Variants in CA10 observed in about 807,000 individuals in gnomAD.
The protein encoded by CA10 is carbonic anhydrase 10 (inactive).
In CA10, 14 loss-of-function variants were observed where a neutral mutation model predicts 44.2. That is an observed-to-expected ratio of 0.32 (90% CI 0.21 to 0.50). The LOEUF is 0.50. Among genes scored for constraint, CA10 ranks in the 20% least tolerant of loss-of-function variants. The pLI is 0.99. For missense variants in CA10, 350 were observed against 409.7 expected (o/e 0.85, Z 1.26); for synonymous variants, 159 against 141.6 (o/e 1.12, Z -0.87).
At chr17:51,734,178 T>TG (rs11302511) in intron 4 of CA10, among the ~76,000 whole-genome samples, 4,723 of 130,040 alleles carry the variant, frequency 0.036, 121 homozygotes, top group Non-Finnish European at 0.052. Flanking sequence ...AATCTTTGGT[T>TG]GGGGGGGGGG....
intron 3 of CA10, among the ~76,000 whole-genome samples, chr17:51,854,868 C>A (rs144759480): frequency 6.6e-6 from 1 of 152,260 alleles, no homozygotes; most frequent in Non-Finnish European, 1.5e-5. Context: ...AGTGCTTTAT[C>A]CAGCTCAGCT....
chr17:51,707,656 G>T (rs1056361288), intron 4 of CA10, among the ~76,000 whole-genome samples: 1 of 91,920 alleles, frequency 1.1e-5, no homozygotes, highest in South Asian at 4.6e-4. Flanking sequence ...GTGCAGGGAA[G>T]GAAAGTGGAT....
chr17:51,980,970 AATTG>A (rs777294870), intron 2 of CA10, among the ~76,000 whole-genome samples: 1 of 152,130 alleles, frequency 6.6e-6, no homozygotes, highest in Non-Finnish European at 1.5e-5. Flanking sequence ...TTAAAAACAC[AATTG>A]ATTATCACTA....
intron 3 of CA10, among the ~76,000 whole-genome samples, chr17:51,770,409 G>A (rs373253526): frequency 2.0e-5 from 3 of 151,662 alleles, no homozygotes; most frequent in East Asian, 3.9e-4. Flanking sequence ...ACCCTCCCCC[G>A]AGACCCTAGG....
chr17:51,656,807 C>A (rs1188267259), intron 4 of CA10, among the ~76,000 whole-genome samples: 1 of 152,154 alleles, frequency 6.6e-6, no homozygotes, highest in East Asian at 1.9e-4. Flanking sequence ...GCTAAAGTTT[C>A]AGAAGTGCTG....
chr17:51,639,775 C>T (rs916275647), intron 6 of CA10, among the ~76,000 whole-genome samples: 2 of 152,190 alleles, frequency 1.3e-5, no homozygotes, highest in Non-Finnish European at 2.9e-5. Flanking sequence ...AGACTCACAT[C>T]GCAGTTGGAG....
At chr17:51,719,423 A>C (rs1916280785) in intron 4 of CA10, among the ~76,000 whole-genome samples, 1 of 152,172 alleles carries the variant, frequency 6.6e-6, no homozygotes, top group Admixed American at 6.5e-5. Context: ...TCCATGGTGT[A>C]TTTCCCCCGT....
At chr17:51,681,498 G>C (rs1032352792) in intron 4 of CA10, among the ~76,000 whole-genome samples, 1 of 152,086 alleles carries the variant, frequency 6.6e-6, no homozygotes, top group African/African-American at 2.4e-5. Context: ...TGTTGTGGGG[G>C]CTACCTTGTA....
At chr17:51,967,081 A>G (rs1306147217) in intron 2 of CA10, among the ~76,000 whole-genome samples, 1 of 151,466 alleles carries the variant, frequency 6.6e-6, no homozygotes, top group South Asian at 2.1e-4. Context: ...GACAACAAAC[A>G]TATGAAAAAA....
intron 2 of CA10, among the ~76,000 whole-genome samples, chr17:51,979,099 T>C (rs937431261): frequency 6.6e-6 from 1 of 152,114 alleles, no homozygotes; most frequent in South Asian, 2.1e-4. Context: ...CTAGGACCTA[T>C]GAGTATAATA....
chr17:51,875,859 T>C (rs1184520900), intron 3 of CA10, among the ~76,000 whole-genome samples: 1 of 152,218 alleles, frequency 6.6e-6, no homozygotes, highest in African/African-American at 2.4e-5. Flanking sequence ...AGACCGCTGA[T>C]TGTTATCTAT....
intron 3 of CA10, among the ~76,000 whole-genome samples, chr17:51,916,912 A>T (rs1215476720): frequency 1.3e-5 from 2 of 152,120 alleles, no homozygotes; most frequent in Non-Finnish European, 2.9e-5. Context: ...GTCCTTTCCG[A>T]TATGAATATT....
intron 3 of CA10, among the ~76,000 whole-genome samples, chr17:51,836,737 C>T (rs1011094352): frequency 7.9e-5 from 12 of 152,206 alleles, no homozygotes; most frequent in African/African-American, 2.2e-4. Flanking sequence ...AAAAAATAAC[C>T]GCATATAACA....
intron 2 of CA10, among the ~76,000 whole-genome samples, chr17:52,041,944 A>G (rs1367798882): frequency 2.0e-5 from 3 of 152,042 alleles, no homozygotes; most frequent in Non-Finnish European, 4.4e-5. Flanking sequence ...ACTAAATAAT[A>G]TTCCTCTGTG....
intron 2 of CA10, among the ~76,000 whole-genome samples, chr17:52,039,647 A>C (rs1418900309): frequency 1.3e-5 from 2 of 152,128 alleles, no homozygotes; most frequent in Non-Finnish European, 2.9e-5. Flanking sequence ...GCATTAATAG[A>C]AATCAATTTC....
At chr17:51,639,992 AC>A (rs1913014974) in intron 6 of CA10, among the ~76,000 whole-genome samples, 1 of 152,098 alleles carries the variant, frequency 6.6e-6, no homozygotes, top group Non-Finnish European at 1.5e-5. Flanking sequence ...TGGAATAACT[AC>A]TGCTCCTCTC....
chr17:51,638,312 G>T (rs1240511387), intron 6 of CA10, among the ~76,000 whole-genome samples: 2 of 152,190 alleles, frequency 1.3e-5, no homozygotes, highest in Non-Finnish European at 2.9e-5. Flanking sequence ...ATCCACCAAA[G>T]TCTCTGAGGA....
chr17:51,719,969 G>A (rs539110159), intron 4 of CA10, among the ~76,000 whole-genome samples: 1 of 152,170 alleles, frequency 6.6e-6, no homozygotes, highest in Non-Finnish European at 1.5e-5. Context: ...CTGGAGTTTG[G>A]TGCTCAACTC....
chr17:52,111,958 G>A (rs1009486039), intron 1 of CA10, among the ~76,000 whole-genome samples: 1 of 152,044 alleles, frequency 6.6e-6, no homozygotes, highest in African/African-American at 2.4e-5. Context: ...AACAAATCTA[G>A]CAGGTGGTTC....
Sources: gnomAD v4.1 joint callset for allele counts (sites outside exome capture counted in the v4.1 genomes callset) on GRCh38, gnomAD v4.1.1 for gene constraint, MANE v1.5 for transcripts, NCBI Gene and HGNC (gene_info 2026-07-23, HGNC 2026-07-21) for gene names.